Variants in IFNGR2 observed in about 807,000 individuals in gnomAD.
IFNGR2 encodes IFN-gamma receptor 2.
In IFNGR2, 15 loss-of-function variants were observed where a neutral mutation model predicts 41.1. The observed-to-expected ratio is 0.37, with a 90% CI of 0.24 to 0.56. IFNGR2 has a LOEUF of 0.56. Among genes scored for constraint, IFNGR2 ranks in the 20% least tolerant of loss-of-function variants. The pLI is 0.81. For missense variants in IFNGR2, 362 were observed against 415.7 expected (o/e 0.87, Z 1.12); for synonymous variants, 161 against 171.6 (o/e 0.94, Z 0.48).
intron 1 of IFNGR2, among the ~76,000 whole-genome samples, chr21:33,414,206 C>T (rs964353476): frequency 6.6e-6 from 1 of 152,104 alleles, no homozygotes; most frequent in African/African-American, 2.4e-5. Context: ...TTCCTGGGGG[C>T]CTCAGGACCT....
chr21:33,428,841 C>A (rs1411886041), intron 4 of IFNGR2, among the ~76,000 whole-genome samples: 1 of 152,184 alleles, frequency 6.6e-6, no homozygotes, highest in Non-Finnish European at 1.5e-5. Flanking sequence ...AAGGGCCCGC[C>A]CATACTTTTG....
intron 2 of IFNGR2, 133 bp downstream of exon 2, chr21:33,415,153 G>T: frequency 8.6e-7 from 1 of 1,161,348 alleles, no homozygotes; most frequent in Non-Finnish European, 1.3e-6. Context: ...CGTTCTTGGA[G>T]CTTGTAAAAT....
At position 33,430,319 on chromosome 21, in the gene IFNGR2, G is replaced by A. The variant is rs554080575; in HGVS notation, c.562-1858G>A. On this transcript the variant is annotated intron_variant, in intron 4 of 6. Transcript: ENST00000290219. ...TGAAATAAACCCAAAGGGAATTTTT[G>A]TCCTTAAAATCGTGTCTTCCTCTGC... Among the ~76,000 whole-genome samples, 5 of 152,308 alleles carry A rather than the reference G, an allele frequency of 3.3e-5. No homozygotes were observed. In the East Asian group the frequency reaches 9.6e-4, roughly 29 times the overall value.
At chr21:33,432,928 C>T in intron 6 of IFNGR2, 57 bp downstream of exon 6, 1 of 1,420,408 alleles carries the variant, frequency 7.0e-7, no homozygotes, top group Admixed American at 1.8e-5. Context: ...CTCTGTTGCC[C>T]AGGCGGGAGT....
chr21:33,412,117 T>A (rs552502826), intron 1 of IFNGR2, among the ~76,000 whole-genome samples: 1 of 152,016 alleles, frequency 6.6e-6, no homozygotes, highest in South Asian at 2.1e-4. Context: ...GTCACTAGGT[T>A]AGTGATAATG....
chr21:33,404,647 T>G (rs549246221), intron 1 of IFNGR2, among the ~76,000 whole-genome samples: 35 of 152,224 alleles, frequency 2.3e-4, no homozygotes, highest in Admixed American at 5.2e-4. Context: ...CAGGCTGTTC[T>G]TGTACTCCTG....
At chr21:33,403,656 A>G in intron 1 of IFNGR2, 40 bp downstream of exon 1, 1 of 1,236,512 alleles carries the variant, frequency 8.1e-7, no homozygotes, top group Non-Finnish European at 1.0e-6. Flanking sequence ...ACGCGGGCGC[A>G]GCCGCAGCAT....
At chr21:33,426,716 TC>T (rs902309393) in intron 3 of IFNGR2, among the ~76,000 whole-genome samples, 167 bp from the exon 4 acceptor site, 1 of 151,206 alleles carries the variant, frequency 6.6e-6, no homozygotes, top group Non-Finnish European at 1.5e-5. Flanking sequence ...CAAAACTGTC[TC>T]GAAAAAATAA....
Position 33,426,722 on chromosome 21 carries a change from AAAT to A in IFNGR2, c.413-153_413-151del, listed in dbSNP as rs1298807849. ...GCGACAGAGCAAAACTGTCTCGAAA[AAAT>A]AATAATAAATAAAGAGATAGATAAA... is the stretch of plus-strand genomic sequence containing the variant. On this transcript the variant is annotated intron_variant, in intron 3 of 6. Transcript: ENST00000290219. Among the ~76,000 whole-genome samples the A allele has an allele frequency of 2.6e-5, 4 of 151,498 alleles. No individual in the cohort carries two copies. In the South Asian group the frequency reaches 6.2e-4, roughly 24 times the overall value.
upstream of IFNGR2, chr21:33,403,386 G>C (rs879598186): frequency 5.9e-4 from 145 of 244,628 alleles, no homozygotes; most frequent in Non-Finnish European, 8.7e-4. Flanking sequence ...CGGCCGAGCC[G>C]AATCCCCTCC....
chr21:33,433,770 T>G (rs1448176998), intron 6 of IFNGR2, among the ~76,000 whole-genome samples: 2 of 147,258 alleles, frequency 1.4e-5, no homozygotes, highest in African/African-American at 2.6e-5. Flanking sequence ...TTATGTTATG[T>G]GTATTTTACC....
chr21:33,403,593 C>A lies in IFNGR2; in HGVS notation c.50C>A (p.Ala17Asp). The A allele has an allele frequency of 7.6e-7, 1 of 1,321,694 alleles. No individual in the cohort carries two copies. The highest frequency in any genetic ancestry group is 1.8e-5 in the South Asian group (1 of 54,616). The allele number at this position is 1,321,694 out of a possible 1,614,324, so 81.9% of individuals were successfully genotyped here. Residue 17 changes from alanine (A) to aspartate (D), a missense_variant, in exon 1 of 7, where the codon GCC (alanine) becomes GAC (aspartate). Coordinates refer to ENST00000290219, the MANE Select transcript of IFNGR2 (RefSeq NM_005534.4). ...CTGCTGCTGCTGCTCGGAGTCTTCGCCGCCGCCGCCGCGGCCCCGCCAGGT... is the reference window on the plus strand; with the variant it reads ...CTGCTGCTGCTGCTCGGAGTCTTCGACGCCGCCGCCGCGGCCCCGCCAGGT... ...WSLLLLLGVF[A>D]AAAAAPPDPL... is the part of the protein sequence containing the mutation.
intron 4 of IFNGR2, among the ~76,000 whole-genome samples, chr21:33,431,922 G>A (rs1205004847): frequency 1.3e-5 from 2 of 152,224 alleles, no homozygotes; most frequent in Non-Finnish European, 1.5e-5. Flanking sequence ...ATTTACTGAA[G>A]TCTAGTTACT....
In IFNGR2 at chr21:33,403,583, G is replaced by A. The variant is rs1240897215; in HGVS notation, c.40G>A (p.Gly14Arg). The stretch of plus-strand genomic sequence containing the variant: ...GCTGTGGTCGCTGCTGCTGCTGCTC[G>A]GAGTCTTCGCCGCCGCCGCCGCGGC... ...TLLWSLLLLL[G>R]VFAAAAAAPP... The change falls in exon 1 of 7, where the codon GGA (glycine) becomes AGA (arginine). Residue 14 changes from glycine (G) to arginine (R), a missense_variant. Transcript: ENST00000290219. 2 of 1,374,884 alleles carry A rather than the reference G, an allele frequency of 1.5e-6. No homozygotes were observed. The highest frequency in any genetic ancestry group is 1.9e-6 in the Non-Finnish European group (2 of 1,060,638). 85.2% of individuals were successfully genotyped at this position (1,374,884 alleles called of 1,614,324 possible). A position where few individuals can be genotyped will look rare whatever the true frequency, so the allele number is the denominator to read the frequency against.
At chr21:33,414,538 T>C (rs569090818) in intron 1 of IFNGR2, among the ~76,000 whole-genome samples, 1 of 152,198 alleles carries the variant, frequency 6.6e-6, no homozygotes, top group African/African-American at 2.4e-5. Flanking sequence ...CTCAGACAGG[T>C]GAAGTGACCT....
chr21:33,406,824 T>A (rs1434649292), intron 1 of IFNGR2, among the ~76,000 whole-genome samples: 1 of 151,844 alleles, frequency 6.6e-6, no homozygotes, highest in African/African-American at 2.4e-5. Flanking sequence ...ATTTTTGTAT[T>A]TTTTTGTAGA....
In IFNGR2 at chr21:33,432,706, C is replaced by G. The variant is rs376105280; in HGVS notation, c.722-8C>G. 3.4e-5 allele frequency: 55 copies of G among 1,613,936 alleles called. No homozygotes were observed. Among genetic ancestry groups the G allele is most frequent in the Non-Finnish European group, 4.7e-5 (55 of 1,179,976 alleles). On this transcript the variant is annotated splice_region_variant and splice_polypyrimidine_tract_variant and intron_variant, in intron 5 of 6. Coordinates refer to ENST00000290219, the MANE Select transcript of IFNGR2 (RefSeq NM_005534.4). The stretch of plus-strand genomic sequence containing the variant: ...ATCATTCTGTTCACTTTCGTGTCCT[C>G]TTTTTAGCCTCCACTGAGCTTCAGC...
intron 5 of IFNGR2, 84 bp downstream of exon 5, chr21:33,432,420 A>G (rs2083898037): frequency 1.5e-6 from 2 of 1,350,288 alleles, no homozygotes; most frequent in Non-Finnish European, 2.1e-6. Context: ...TTATGAGGTC[A>G]TGGGTGGTGG....
chr21:33,436,996 GAA>G lies in IFNGR2; in HGVS notation c.*35_*36del. The G allele has an allele frequency of 6.2e-7, 1 of 1,612,490 alleles. No homozygotes were observed. The highest frequency in any genetic ancestry group is 1.3e-5 in the African/African-American group (1 of 75,016). On this transcript the variant is annotated 3_prime_UTR_variant, in exon 7 of 7. Coordinates refer to ENST00000290219, the MANE Select transcript of IFNGR2 (RefSeq NM_005534.4). ...ATGGGCCTAGCCCACTGGCTCCCTG[GAA>G]GAGATCAAGCCATCGGAGCTGCTAG...
Sources: gnomAD v4.1 joint callset for allele counts (sites outside exome capture counted in the v4.1 genomes callset) on GRCh38, gnomAD v4.1.1 for gene constraint, MANE v1.5 for transcripts, NCBI Gene and HGNC (gene_info 2026-07-23, HGNC 2026-07-21) for gene names.